The following DOCK8 variants were observed in gnomAD, a reference collection of about 807,000 sequenced individuals.
The protein encoded by DOCK8 is dedicator of cytokinesis protein 8.
In DOCK8, 141 loss-of-function variants were observed where a neutral mutation model predicts 245.6. The observed-to-expected ratio is 0.57, with a 90% CI of 0.50 to 0.66. The LOEUF is 0.66. Among genes scored for constraint, DOCK8 ranks in the 30% least tolerant of loss-of-function variants. The probability of loss-of-function intolerance (pLI) is 0.00; values close to 1 mark genes in which losing one functional copy is unlikely to be tolerated. For missense variants in DOCK8, 2,965 were observed against 2,603.4 expected (o/e 1.14, Z -3.02); for synonymous variants, 1,168 against 970.2 (o/e 1.20, Z -3.79).
upstream of DOCK8, chr9:214,611 C>A: frequency 6.2e-7 from 1 of 1,613,792 alleles, no homozygotes; most frequent in South Asian, 1.1e-5. Flanking sequence ...GATGGAGCTT[C>A]CGGCCTGCGC....
chr9:326,283 TC>T (rs1274449801), intron 8 of DOCK8, among the ~76,000 whole-genome samples: 3 of 152,348 alleles, frequency 2.0e-5, no homozygotes, highest in East Asian at 3.9e-4. Context: ...GATGGACACT[TC>T]TGCCCTTCTT....
In DOCK8 at chr9:368,123, C is replaced by A; in HGVS notation, c.1785C>A (p.Ser595Arg). ...KIQFMCGEDA[S>R]NAMPVIFGKS... ...AGTTTATGTGTGGAGAAGATGCTAG[C>A]AATGCGATGCCGGTAAGGAGGGAAA... The change falls in exon 15 of 48, where the codon AGC becomes AGA. Residue 595 changes from serine to arginine, a missense_variant. Ser to Arg is a moderately radical substitution (Grantham distance 110, BLOSUM62 -1). Transcript: ENST00000432829. 2 of 1,613,856 alleles carry A rather than the reference C, an allele frequency of 1.2e-6. No individual in the cohort carries two copies. Among genetic ancestry groups the A allele is most frequent in the South Asian group, 2.2e-5 (2 of 91,076 alleles).
chr9:374,410 G>A (rs10814389), intron 18 of DOCK8, among the ~76,000 whole-genome samples: 39,341 of 143,674 alleles, frequency 0.27, 5,570 homozygotes, highest in Middle Eastern at 0.36. Context: ...TCTTTAGGCT[G>A]TATTGAGTTA....
chr9:264,477 T>C (rs2047991701), intron 1 of DOCK8, among the ~76,000 whole-genome samples: 1 of 152,210 alleles, frequency 6.6e-6, no homozygotes, highest in Admixed American at 6.5e-5. Context: ...TGTACAGTTA[T>C]GGCTTGTCTG....
At chr9:444,782 G>A (rs2057200651) in intron 43 of DOCK8, among the ~76,000 whole-genome samples, 1 of 152,206 alleles carries the variant, frequency 6.6e-6, no homozygotes, top group South Asian at 2.1e-4. Flanking sequence ...TCTGTGCTAG[G>A]AAATGGAGAC....
intron 33 of DOCK8, among the ~76,000 whole-genome samples, 160 bp from the exon 34 acceptor site, chr9:426,725 G>C (rs2056516023): frequency 6.6e-6 from 1 of 152,170 alleles, no homozygotes; most frequent in South Asian, 2.1e-4. Context: ...ATGAATCACA[G>C]AAGGCACCTG....
At chr9:306,005 G>T (rs1293907231) in intron 5 of DOCK8, among the ~76,000 whole-genome samples, 1 of 152,166 alleles carries the variant, frequency 6.6e-6, no homozygotes, top group African/African-American at 2.4e-5. Flanking sequence ...TATGGAGATG[G>T]ATGCTGGTGA....
At chr9:387,238 G>T (rs1307123823) in intron 23 of DOCK8, among the ~76,000 whole-genome samples, 1 of 152,142 alleles carries the variant, frequency 6.6e-6, no homozygotes, top group African/African-American at 2.4e-5. Context: ...GAGGTCAGGA[G>T]TTCAAGATAA....
intron 7 of DOCK8, among the ~76,000 whole-genome samples, chr9:319,624 GTAGGATTCTATTC>G (rs1331961846): frequency 1.3e-5 from 2 of 152,138 alleles, no homozygotes; most frequent in Admixed American, 1.3e-4. Context: ...ACATTGATAT[GTAGGATTCTATTC>G]ATAATACTAC....
intron 2 of DOCK8, among the ~76,000 whole-genome samples, chr9:285,436 G>C (rs2048780134): frequency 6.6e-6 from 1 of 152,090 alleles, no homozygotes; most frequent in Non-Finnish European, 1.5e-5. Flanking sequence ...TCCACTGGAG[G>C]GTAGAGATAG....
At chr9:449,177 C>A (rs975964268) in intron 44 of DOCK8, among the ~76,000 whole-genome samples, 1 of 151,942 alleles carries the variant, frequency 6.6e-6, no homozygotes, top group Non-Finnish European at 1.5e-5. Flanking sequence ...ATAGAGAAAC[C>A]GCATCTCTAC....
At chr9:323,352 T>C (rs1003894664) in intron 7 of DOCK8, among the ~76,000 whole-genome samples, 18 of 149,664 alleles carry the variant, frequency 1.2e-4, no homozygotes, top group African/African-American at 4.4e-4. Context: ...GCCTCCCGAG[T>C]AGCTGGGATT....
At chr9:442,743 C>G (rs74858373) in intron 42 of DOCK8, among the ~76,000 whole-genome samples, 5,385 of 152,182 alleles carry the variant, frequency 0.035, 141 homozygotes, top group Middle Eastern at 0.068. Context: ...CTGCAATTAC[C>G]AAGCAGGACT....
intron 2 of DOCK8, among the ~76,000 whole-genome samples, chr9:283,755 C>T (rs957903829): frequency 6.6e-6 from 1 of 152,180 alleles, no homozygotes. Flanking sequence ...TAGAATTATT[C>T]AGGCACAAAA....
intron 26 of DOCK8, among the ~76,000 whole-genome samples, chr9:402,928 T>G (rs1364322382): frequency 6.6e-6 from 1 of 152,196 alleles, no homozygotes; most frequent in Admixed American, 6.5e-5. Flanking sequence ...CTTACTCTGT[T>G]GCCCAGGCCA....
At chr9:374,767 C>T (rs1422117589) in intron 18 of DOCK8, among the ~76,000 whole-genome samples, 3 of 151,768 alleles carry the variant, frequency 2.0e-5, no homozygotes, top group Non-Finnish European at 4.4e-5. Flanking sequence ...TGCCCGGCCC[C>T]TTTTTACTTT....
chr9:458,768 G>A (rs1345480430), intron 46 of DOCK8, among the ~76,000 whole-genome samples: 1 of 152,138 alleles, frequency 6.6e-6, no homozygotes, highest in Non-Finnish European at 1.5e-5. Flanking sequence ...CTGAGATCAT[G>A]CCACTGCCTT....
chr9:228,388 C>G (rs1404831214), intron 1 of DOCK8, among the ~76,000 whole-genome samples: 2 of 152,112 alleles, frequency 1.3e-5, no homozygotes, highest in Non-Finnish European at 2.9e-5. Flanking sequence ...ATACTTTTTA[C>G]AGGAGATTTT....
intron 24 of DOCK8, among the ~76,000 whole-genome samples, chr9:391,101 A>G (rs10973672): frequency 0.16 from 24,583 of 152,078 alleles, 4,526 homozygotes; most frequent in African/African-American, 0.45. Context: ...GAAGATGCCA[A>G]GGCCATTTTG....
Sources: allele counts gnomAD v4.1 joint callset (sites outside exome capture counted in the v4.1 genomes callset), GRCh38; gene constraint gnomAD v4.1.1; transcripts MANE v1.5; gene names NCBI Gene and HGNC (gene_info 2026-07-23, HGNC 2026-07-21).